TNFAIP8: variants seen among roughly 807,000 people sequenced by gnomAD.
The protein encoded by TNFAIP8 is TNF alpha induced protein 8, also known as tumor necrosis factor alpha-induced protein 8.
Under a neutral mutation model 13.3 loss-of-function variants are expected in TNFAIP8, and 7 were observed. The ratio of observed to expected loss-of-function variants is 0.52; its 90% CI spans 0.30 to 0.99. TNFAIP8 has a LOEUF of 0.99. Ranked by LOEUF, TNFAIP8 falls within the 50% of genes least tolerant of loss-of-function variation. The pLI is 0.07. For synonymous variants in TNFAIP8, 94 were observed against 87.6 expected (o/e 1.07, Z -0.41); for missense variants, 258 against 236.9 (o/e 1.09, Z -0.58).
intron 1 of TNFAIP8, among the ~76,000 whole-genome samples, chr5:119,270,374 G>A (rs563753275): frequency 5.9e-5 from 9 of 152,302 alleles, no homozygotes; most frequent in African/African-American, 2.2e-4. Context: ...ACTTAGACAC[G>A]TTTATTGCCA....
intron 1 of TNFAIP8, among the ~76,000 whole-genome samples, chr5:119,298,428 A>T (rs1749249526): frequency 6.6e-6 from 1 of 151,138 alleles, no homozygotes; most frequent in Non-Finnish European, 1.5e-5. Flanking sequence ...AATGTTGAAT[A>T]TTGGCCCCCA....
intron 1 of TNFAIP8, among the ~76,000 whole-genome samples, chr5:119,335,227 C>T (rs1396229555): frequency 2.0e-5 from 3 of 152,284 alleles, no homozygotes; most frequent in African/African-American, 7.2e-5. Context: ...TCAGGATAAA[C>T]TCTAGTGTGA....
intron 1 of TNFAIP8, among the ~76,000 whole-genome samples, chr5:119,382,479 C>T (rs1030190607): frequency 2.6e-5 from 4 of 152,136 alleles, no homozygotes; most frequent in African/African-American, 9.7e-5. Context: ...CTCTTTTCGC[C>T]ACACTCCTTT....
intron 1 of TNFAIP8, among the ~76,000 whole-genome samples, chr5:119,330,521 G>A (rs912584537): frequency 6.6e-6 from 1 of 152,138 alleles, no homozygotes; most frequent in Admixed American, 6.5e-5. Flanking sequence ...GGAGGGTAGG[G>A]GTTAGGCCTC....
intron 1 of TNFAIP8, among the ~76,000 whole-genome samples, chr5:119,302,160 A>C (rs1350743686): frequency 6.6e-6 from 1 of 152,230 alleles, no homozygotes; most frequent in Non-Finnish European, 1.5e-5. Context: ...GGTCAGGCTA[A>C]CTGGCCAGTG....
chr5:119,309,843 G>A (rs1381676653), intron 1 of TNFAIP8, among the ~76,000 whole-genome samples: 1 of 152,168 alleles, frequency 6.6e-6, no homozygotes, highest in Non-Finnish European at 1.5e-5. Context: ...AGTCTGGGGC[G>A]GACCATTACC....
chr5:119,354,369 T>G (rs1378413606), upstream of TNFAIP8: 1 of 152,222 alleles, frequency 6.6e-6, no homozygotes, highest in Non-Finnish European at 1.5e-5. Context: ...ATCCTGCTCT[T>G]TCAGTGAAAT....
Position 119,349,935 on chromosome 5 carries a change from G to C in TNFAIP8, c.2-42881G>C, listed in dbSNP as rs185908761. On this transcript the variant is annotated intron_variant, in intron 1 of 1. Transcript: ENST00000274456. Reference sequence around the variant, plus strand: ...CAGTTTAATACAGTGAGAAAGTCTGGATATAGGAGACAGGAGGCTTAGATT... The same window carrying C: ...CAGTTTAATACAGTGAGAAAGTCTGCATATAGGAGACAGGAGGCTTAGATT... 2.9e-3 allele frequency among the ~76,000 whole-genome samples: 446 copies of C among 152,314 alleles called. 2 individuals are homozygous for C. Among genetic ancestry groups the C allele is most frequent in the Non-Finnish European group, 3.8e-3 (256 of 68,022 alleles).
intron 1 of TNFAIP8, among the ~76,000 whole-genome samples, chr5:119,340,736 A>G (rs1367772429): frequency 6.6e-6 from 1 of 152,190 alleles, no homozygotes; most frequent in Non-Finnish European, 1.5e-5. Context: ...GTGATGGCAC[A>G]GTTTCTGTGG....
chr5:119,361,238 C>CT (rs1346775867), intron 1 of TNFAIP8, among the ~76,000 whole-genome samples: 5 of 152,250 alleles, frequency 3.3e-5, no homozygotes, highest in Admixed American at 6.5e-5. Context: ...GCACTGCCCC[C>CT]CCAGCCGCTG....
At chr5:119,289,157 G>A (rs1341084631) in intron 1 of TNFAIP8, among the ~76,000 whole-genome samples, 1 of 152,160 alleles carries the variant, frequency 6.6e-6, no homozygotes, top group African/African-American at 2.4e-5. Flanking sequence ...TTTATATCAT[G>A]ATCACACCTT....
At chr5:119,304,594 C>A (rs1024274666) in intron 1 of TNFAIP8, among the ~76,000 whole-genome samples, 1 of 152,196 alleles carries the variant, frequency 6.6e-6, no homozygotes, top group African/African-American at 2.4e-5. Context: ...GATGCCTAGT[C>A]CTCACAGTTA....
chr5:119,358,672 G>A (rs1337646546), intron 1 of TNFAIP8, among the ~76,000 whole-genome samples: 1 of 152,202 alleles, frequency 6.6e-6, no homozygotes, highest in African/African-American at 2.4e-5. Context: ...GGCTTCCTGA[G>A]GAGATAGGCT....
intron 1 of TNFAIP8, among the ~76,000 whole-genome samples, chr5:119,379,945 G>A (rs957995262): frequency 3.3e-5 from 5 of 152,154 alleles, no homozygotes. Context: ...GAGCAGGCAG[G>A]CTCTAAGAAG....
chr5:119,283,545 TA>T (rs1255386340), intron 1 of TNFAIP8, among the ~76,000 whole-genome samples: 3 of 152,146 alleles, frequency 2.0e-5, no homozygotes, highest in South Asian at 2.1e-4. Flanking sequence ...ATTGCAGGTA[TA>T]AAGAAAAAGG....
At chr5:119,299,697 G>A (rs1749298447) in intron 1 of TNFAIP8, among the ~76,000 whole-genome samples, 1 of 152,182 alleles carries the variant, frequency 6.6e-6, no homozygotes, top group Non-Finnish European at 1.5e-5. Context: ...TGTTTGTTGT[G>A]CCCTGCCCCC....
chr5:119,315,794 C>G (rs542168941), intron 1 of TNFAIP8, among the ~76,000 whole-genome samples: 3 of 152,270 alleles, frequency 2.0e-5, no homozygotes, highest in South Asian at 2.1e-4. Flanking sequence ...AACCCCACCT[C>G]CACCACCCAC....
chr5:119,314,589 A>C (rs1749829285), intron 1 of TNFAIP8, among the ~76,000 whole-genome samples: 1 of 152,200 alleles, frequency 6.6e-6, no homozygotes, highest in Non-Finnish European at 1.5e-5. Context: ...AAACACTCAC[A>C]GGTGGTAGAG....
Position 119,393,493 on chromosome 5 carries a change from T to A in TNFAIP8, c.*112T>A. The A allele has an allele frequency of 9.5e-7, 1 of 1,056,270 alleles. No homozygotes were observed. The highest frequency in any genetic ancestry group is 1.4e-6 in the Non-Finnish European group (1 of 738,732). The allele number at this position is 1,056,270 out of a possible 1,614,324, so 65.4% of individuals were successfully genotyped here. A position where few individuals can be genotyped will look rare whatever the true frequency, so the allele number is the denominator to read the frequency against. On this transcript the variant is annotated 3_prime_UTR_variant, in exon 2 of 2. Coordinates refer to ENST00000504771, the MANE Select transcript of TNFAIP8 (RefSeq NM_014350.4). ...AAGATTACACATATTTCAGAAAGAC[T>A]TTACCCAATTCAGTTGTCAGACATA...
Sources: gnomAD v4.1 joint callset for allele counts (sites outside exome capture counted in the v4.1 genomes callset) on GRCh38, gnomAD v4.1.1 for gene constraint, MANE v1.5 for transcripts, NCBI Gene and HGNC (gene_info 2026-07-23, HGNC 2026-07-21) for gene names.